Variants in MAST3 observed in about 807,000 individuals in gnomAD.
MAST3 encodes microtubule associated serine/threonine kinase 3.
A neutral mutation model predicts 127.0 loss-of-function variants in MAST3; 43 were observed. The observed-to-expected ratio is 0.34, with a 90% confidence interval of 0.27 to 0.44. The LOEUF (loss-of-function observed/expected upper bound fraction) is 0.44. Ranked by LOEUF, MAST3 falls within the 20% of genes least tolerant of loss-of-function variation. The pLI is 1.00. For missense variants in MAST3, 1,390 were observed against 1,919.1 expected (o/e 0.72, Z 5.15); for synonymous variants, 785 against 809.2 (o/e 0.97, Z 0.51).
intron 1 of MAST3, among the ~76,000 whole-genome samples, chr19:18,100,755 T>C (rs977931817): frequency 1.3e-5 from 2 of 151,236 alleles, no homozygotes; most frequent in Non-Finnish European, 3.0e-5. Context: ...CAGTTTGGGG[T>C]CTCTTTTGAC....
At chr19:18,137,132 G>A (rs1181251392) in intron 18 of MAST3, 107 bp from the exon 19 acceptor site, 3 of 1,418,470 alleles carry the variant, frequency 2.1e-6, no homozygotes, top group Non-Finnish European at 2.8e-6. Flanking sequence ...CATTTTTCTG[G>A]TTCTGTGTTG....
At position 18,110,503 on chromosome 19, in the gene MAST3, C is replaced by A; in HGVS notation, c.72-149C>A. On this transcript the variant is annotated intron_variant, in intron 2 of 27. Coordinates refer to ENST00000687212, the MANE Select transcript of MAST3 (RefSeq NM_001393504.1). This position sits in a 1 kb window ranked among gnomAD's most constrained non-coding sequence, Gnocchi z 4.3. ...GAGCCCTCCCGGGCCATCGGTCTGG[C>A]CCCGCCCTCACGTCCTGAGCTGAAC... The A allele has an allele frequency of 1.1e-6, 1 of 897,244 alleles. No homozygotes were observed. The highest frequency in any genetic ancestry group is 1.3e-6 in the Non-Finnish European group (1 of 748,878). 55.6% of individuals were successfully genotyped at this position (897,244 alleles called of 1,614,324 possible).
At chr19:18,101,742 C>G (rs1398574377) in intron 1 of MAST3, among the ~76,000 whole-genome samples, 1 of 151,574 alleles carries the variant, frequency 6.6e-6, no homozygotes, top group Middle Eastern at 3.2e-3. Context: ...GCTCCGTCAC[C>G]TGGATACAAG....
At chr19:18,123,915 G>C in intron 8 of MAST3, 24 bp from the exon 9 acceptor site, 1 of 1,538,984 alleles carries the variant, frequency 6.5e-7, no homozygotes, top group East Asian at 2.4e-5. Flanking sequence ...CTCTGACCAG[G>C]TCGCCCCGTC....
chr19:18,130,392 C>G, intron 13 of MAST3, 102 bp from the exon 14 acceptor site: 1 of 1,059,958 alleles, frequency 9.4e-7, no homozygotes, highest in Non-Finnish European at 1.4e-6. Flanking sequence ...GGGCACAGCA[C>G]AGGCAAAGGC....
At chr19:18,130,368 G>A in intron 13 of MAST3, 126 bp from the exon 14 acceptor site, 1 of 787,462 alleles carries the variant, frequency 1.3e-6, no homozygotes, top group South Asian at 1.7e-5. Context: ...AGGAGAATGG[G>A]TGGCCCAGGT....
At chr19:18,113,074 G>C (rs1327841980) in intron 3 of MAST3, among the ~76,000 whole-genome samples, 2 of 152,138 alleles carry the variant, frequency 1.3e-5, no homozygotes, top group Non-Finnish European at 1.5e-5. Flanking sequence ...GTTGGAGGCC[G>C]CTGAGCAGAT....
At chr19:18,107,655 C>T (rs1316896107) in intron 2 of MAST3, 37 bp downstream of exon 2, 2 of 1,604,358 alleles carry the variant, frequency 1.2e-6, no homozygotes, top group South Asian at 1.1e-5. Context: ...GGGTGGGCCC[C>T]AGTGGTCTTG....
At chr19:18,133,355 C>T (rs1422554036) in intron 15 of MAST3, among the ~76,000 whole-genome samples, 6 of 152,024 alleles carry the variant, frequency 3.9e-5, no homozygotes, top group African/African-American at 1.4e-4. Context: ...TGACTGTGTA[C>T]CTGGCCCAGA....
At chr19:18,102,863 T>A (rs1202873694) in intron 1 of MAST3, among the ~76,000 whole-genome samples, 1 of 152,202 alleles carries the variant, frequency 6.6e-6, no homozygotes, top group Non-Finnish European at 1.5e-5. Flanking sequence ...ACCCAGCTGC[T>A]TCGGGTCTCT....
At chr19:18,118,049 C>T (rs1323970147) in intron 3 of MAST3, 3 of 966,762 alleles carry the variant, frequency 3.1e-6, no homozygotes, top group East Asian at 2.3e-4. Context: ...CCCCCCATCC[C>T]CGCAGCCCCG....
rs376950907 is a variant in MAST3 at position 18,144,520 on chromosome 19, G to A, written c.2639G>A (p.Arg880Gln). The A allele has an allele frequency of 1.4e-5, 22 of 1,609,134 alleles. No homozygotes were observed. The highest frequency in any genetic ancestry group is 3.4e-5 in the Admixed American group (2 of 59,442). ...ARLRSNSIGARHSTPRPLDAG... is the reference protein window; with the variant it reads ...ARLRSNSIGAQHSTPRPLDAG... The stretch of plus-strand genomic sequence containing the variant: ...CTACGGAGCAATAGCATCGGCGCCC[G>A]ACACTCCACACCAAGGCCTCTGGAT... The change falls in exon 23 of 28, where the codon CGA (arginine) becomes CAA (glutamine). Residue 880 changes from arginine to glutamine, a missense_variant. By Grantham distance (43) the Arg-to-Gln change is conservative. Coordinates refer to ENST00000687212, the MANE Select transcript of MAST3 (RefSeq NM_001393504.1). The surrounding 1 kb of genome is among the most constrained non-coding windows in gnomAD (Gnocchi z 4.0).
intron 1 of MAST3, 142 bp from the exon 2 acceptor site, chr19:18,107,444 GC>G: frequency 1.2e-6 from 1 of 859,126 alleles, no homozygotes; most frequent in South Asian, 1.4e-5. Context: ...AGGCCTTGAG[GC>G]AGGGCTGAGC....
At chr19:18,107,468 T>A in intron 1 of MAST3, 119 bp from the exon 2 acceptor site, 2 of 1,012,314 alleles carry the variant, frequency 2.0e-6, no homozygotes, top group African/African-American at 1.6e-5. Context: ...GTGTGTAGAG[T>A]GAGCGGGAAA....
chr19:18,141,642 G>T (rs1171922957), intron 20 of MAST3, among the ~76,000 whole-genome samples: 2 of 151,436 alleles, frequency 1.3e-5, no homozygotes. Context: ...CAGAGTGGTG[G>T]GATTACAGGC....
intron 21 of MAST3, 29 bp from the exon 22 acceptor site, chr19:18,143,733 AG>A (rs1293259597): frequency 6.2e-7 from 1 of 1,611,772 alleles, no homozygotes; most frequent in South Asian, 1.1e-5. Context: ...GGTGCCTGGC[AG>A]GGGTGATGCA....
intron 2 of MAST3, among the ~76,000 whole-genome samples, chr19:18,108,356 T>G (rs2038231331): frequency 6.6e-6 from 1 of 151,874 alleles, no homozygotes; most frequent in African/African-American, 2.4e-5. Flanking sequence ...GTTGGGTTTT[T>G]TTTTTTTTGT....
intron 5 of MAST3, 42 bp downstream of exon 5, chr19:18,121,964 G>A: frequency 6.2e-7 from 1 of 1,609,794 alleles, no homozygotes; most frequent in Non-Finnish European, 8.5e-7. Flanking sequence ...GGGCACCACG[G>A]GCAAGGGTTG....
chr19:18,131,870 G>C (rs1568585438), intron 14 of MAST3, 39 bp from the exon 15 acceptor site: 1 of 1,527,574 alleles, frequency 6.5e-7, no homozygotes, highest in Non-Finnish European at 8.8e-7. Context: ...GGGGGCGGGG[G>C]TGCCCCGGGC....
Sources: gnomAD v4.1 joint callset for allele counts (sites outside exome capture counted in the v4.1 genomes callset) on GRCh38, gnomAD v4.1.1 for gene constraint, Gnocchi (gnomAD v3.1) non-coding constraint, MANE v1.5 for transcripts, NCBI Gene and HGNC (gene_info 2026-07-23, HGNC 2026-07-21) for gene names.